The following ABCD4 variants were observed in gnomAD, a reference collection of about 807,000 sequenced individuals.
The protein encoded by ABCD4 is ATP binding cassette subfamily D member 4, also known as lysosomal cobalamin transporter ABCD4.
ABCD4 carries 53 observed loss-of-function variants against 86.3 expected under a neutral mutation model. The observed-to-expected ratio is 0.61, with a 90% CI of 0.49 to 0.77. The LOEUF (loss-of-function observed/expected upper bound fraction) is 0.77. Among genes scored for constraint, ABCD4 ranks in the 30% least tolerant of loss-of-function variants. The pLI is 0.00. For missense variants in ABCD4, 757 were observed against 764.5 expected (o/e 0.99, Z 0.12); for synonymous variants, 328 against 313.6 (o/e 1.05, Z -0.49).
intron 14 of ABCD4, 88 bp from the exon 15 acceptor site, chr14:74,288,853 C>T (rs1357209011): frequency 5.3e-6 from 8 of 1,503,684 alleles, no homozygotes; most frequent in East Asian, 4.8e-5. Context: ...GTGGCTCACG[C>T]CTGTAATCCC....
intron 10 of ABCD4, 40 bp downstream of exon 10, chr14:74,292,511 C>T: frequency 6.2e-7 from 1 of 1,607,342 alleles, no homozygotes; most frequent in Non-Finnish European, 8.5e-7. Context: ...CAGCAGCACA[C>T]ACTTTGCTCA....
At position 74,286,327 on chromosome 14, in the gene ABCD4, G is replaced by A; in HGVS notation, c.*134C>T. 8 of 918,266 alleles carry A rather than the reference G, an allele frequency of 8.7e-6. No homozygotes were observed. In the South Asian group the frequency reaches 1.0e-4, roughly 12 times the overall value. The allele number at this position is 918,266 out of a possible 1,614,324, so 56.9% of individuals were successfully genotyped here. On this transcript the variant is annotated 3_prime_UTR_variant, in exon 19 of 19. Transcript: ENST00000356924. The stretch of plus-strand genomic sequence containing the variant: ...TCAGCCCACCACTGCTAGGGGTCCT[G>A]CACAGGACCCATGTGGCTCCTGCAC...
rs775274648 is a variant in ABCD4 at position 74,302,892 on chromosome 14, C to G, written c.21G>C (p.Ala7=). The G allele has an allele frequency of 1.2e-5, 20 of 1,606,780 alleles. No homozygotes were observed. The highest frequency in any genetic ancestry group is 1.7e-5 in the Non-Finnish European group (20 of 1,176,922). Residue 7 remains alanine, a synonymous_variant, in exon 1 of 19, where the codon GCG becomes GCC. Coordinates refer to ENST00000356924, the MANE Select transcript of ABCD4 (RefSeq NM_005050.4). The part of the protein sequence containing the change: MAVAGP[A]PGAGARPRLD... ...CTGCTTACCTGGCGCCAGCTCCGGGCGCGGGCCCCGCGACCGCCATGACCT... is the reference window on the plus strand; with the variant it reads ...CTGCTTACCTGGCGCCAGCTCCGGGGGCGGGCCCCGCGACCGCCATGACCT...
intron 4 of ABCD4, chr14:74,296,734 C>G (rs1337324952): frequency 2.9e-6 from 1 of 349,542 alleles, no homozygotes; most frequent in East Asian, 5.5e-5. Context: ...CAGCTCTGAG[C>G]AGAGCCAAAG....
At chr14:74,288,158 C>T (rs370452269) in intron 16 of ABCD4, 49 bp downstream of exon 16, 1 of 1,596,184 alleles carries the variant, frequency 6.3e-7, no homozygotes, top group Non-Finnish European at 8.6e-7. Context: ...CTGAAACCCA[C>T]TGTCTTTATG....
intron 2 of ABCD4, 197 bp downstream of exon 2, chr14:74,299,953 C>T: frequency 1.7e-6 from 1 of 584,996 alleles, no homozygotes; most frequent in Non-Finnish European, 3.0e-6. Context: ...ATCCCAGCTA[C>T]TCAGGAGGCG....
Position 74,296,543 on chromosome 14 carries a change from T to C in ABCD4, c.426-94A>G, listed in dbSNP as rs2082923671. ...TTCACATCACCTCTGCTCTTGACCT[T>C]GCCTCACAGTGCTGTGAACACTGAC... On this transcript the variant is annotated intron_variant, in intron 4 of 18. Coordinates refer to ENST00000356924, the MANE Select transcript of ABCD4 (RefSeq NM_005050.4). 3.5e-6 allele frequency: 4 copies of C among 1,127,444 alleles called. No homozygotes were observed. The South Asian group carries it at 5.4e-5, about 15-fold the overall frequency. The allele number at this position is 1,127,444 out of a possible 1,614,324, so 69.8% of individuals were successfully genotyped here.
intron 2 of ABCD4, 184 bp from the exon 3 acceptor site, chr14:74,299,859 C>T (rs1413919770): frequency 2.2e-5 from 13 of 599,514 alleles, no homozygotes; most frequent in Admixed American, 3.0e-5. Flanking sequence ...GTCATGAGTT[C>T]GAGATCAGCC....
Position 74,288,253 on chromosome 14 carries a change from A to T in ABCD4, c.1513T>A (p.Leu505Met). The change falls in exon 16 of 19, where the codon TTG becomes ATG. Residue 505 changes from leucine (L) to methionine (M), a missense_variant. Coordinates refer to ENST00000356924, the MANE Select transcript of ABCD4 (RefSeq NM_005050.4). ...RFLELAGLSN[L>M]VARTEGLDQQ... ...TCCAGGCCCTCTGTCCTTGCCACCAAGTTGGACTGTAACAGACCCAGAGGG... is the reference window on the plus strand; with the variant it reads ...TCCAGGCCCTCTGTCCTTGCCACCATGTTGGACTGTAACAGACCCAGAGGG... 1 of 1,607,798 alleles carries T rather than the reference A, an allele frequency of 6.2e-7. No homozygotes were observed. Among genetic ancestry groups the T allele is most frequent in the Non-Finnish European group, 8.5e-7 (1 of 1,177,238 alleles).
intron 17 of ABCD4, 127 bp downstream of exon 17, chr14:74,287,683 C>T (rs2080186155): frequency 1.2e-6 from 1 of 866,162 alleles, no homozygotes; most frequent in African/African-American, 1.7e-5. Context: ...GCCTGCTGTC[C>T]TCTCCAGCAG....
intron 1 of ABCD4, among the ~76,000 whole-genome samples, chr14:74,302,108 C>T (rs1404646553): frequency 6.6e-6 from 1 of 152,072 alleles, no homozygotes; most frequent in Non-Finnish European, 1.5e-5. Context: ...GACCAGGACC[C>T]AACTCTGGGG....
At chr14:74,289,635 G>C (rs1275668453) in intron 13 of ABCD4, 116 bp from the exon 14 acceptor site, 8 of 1,509,648 alleles carry the variant, frequency 5.3e-6, no homozygotes, top group Non-Finnish European at 7.1e-6. Flanking sequence ...AGGTGGGAAC[G>C]CCTGGCCTGG....
chr14:74,292,825 C>A lies in ABCD4; in HGVS notation c.859G>T (p.Val287Phe), dbSNP rs764251926. ...CTGAAAATGGGGATTGCGATGACAACGTAACTCAGGATGCTGCCCAGATAG... is the reference window on the plus strand; with the variant it reads ...CTGAAAATGGGGATTGCGATGACAAAGTAACTCAGGATGCTGCCCAGATAG... The part of the protein sequence containing the change: ...FDYLGSILSY[V>F]VIAIPIFSGV... The change falls in exon 9 of 19, where the codon GTT becomes TTT. Residue 287 changes from valine (V) to phenylalanine (F), a missense_variant. Coordinates refer to ENST00000356924, the MANE Select transcript of ABCD4 (RefSeq NM_005050.4). 5.6e-6 allele frequency: 9 copies of A among 1,614,158 alleles called. No individual in the cohort carries two copies. In the East Asian group the frequency reaches 2.0e-4, roughly 36 times the overall value.
chr14:74,290,446 C>T lies in ABCD4; in HGVS notation c.1172G>A (p.Arg391Gln), dbSNP rs747987460. The T allele has an allele frequency of 8.1e-6, 13 of 1,614,034 alleles. 1 individual carries two copies. The highest frequency in any genetic ancestry group is 4.5e-5 in the East Asian group (2 of 44,874). The part of the protein sequence containing the change: ...EPADTAFLLE[R>Q]VSISAPSSDK... ...AGAGGAGGGGGCAGAGATGGAGACC[C>T]GCTCAAGGAGAAATGCTGTGTCTGC... is the stretch of plus-strand genomic sequence containing the variant. The change falls in exon 12 of 19, where the codon CGG becomes CAG. Residue 391 changes from arginine (R) to glutamine (Q), a missense_variant. Arg to Gln is a conservative substitution (Grantham distance 43, BLOSUM62 1). Transcript: ENST00000356924.
At chr14:74,291,609 T>G (rs911798744) in intron 11 of ABCD4, among the ~76,000 whole-genome samples, 1 of 152,198 alleles carries the variant, frequency 6.6e-6, no homozygotes, top group Non-Finnish European at 1.5e-5. Context: ...ATGCCCAGCC[T>G]CTGCACTCAT....
chr14:74,299,928 T>C (rs1302344564), intron 2 of ABCD4: 5 of 586,642 alleles, frequency 8.5e-6, no homozygotes, highest in Non-Finnish European at 1.5e-5. Flanking sequence ...TCGGGCGTGG[T>C]GGTGGGTGCT....
At chr14:74,302,759 C>CACGGGGGCGAG (rs2085023971) in intron 1 of ABCD4, 116 bp downstream of exon 1, 8 of 1,214,544 alleles carry the variant, frequency 6.6e-6, no homozygotes, top group Admixed American at 3.7e-5. Context: ...TCTCAGAAGT[C>CACGGGGGCGAG]ACGGGGGCGA....
rs779027514 is a variant in ABCD4 at position 74,292,675 on chromosome 14, C to T, written c.937-33G>A. The T allele has an allele frequency of 6.2e-6, 10 of 1,613,890 alleles. No homozygotes were observed. The South Asian group carries it at 7.7e-5, about 12-fold the overall frequency. ...GGATGGGAAGAGGTCAAGCAGGTCT[C>T]GACTCGAGCCCACAGACACTGGGCC... On this transcript the variant is annotated intron_variant, in intron 9 of 18. Transcript: ENST00000356924.
In ABCD4 at chr14:74,286,273, G is replaced by A. The variant is rs8618; in HGVS notation, c.*188C>T. On this transcript the variant is annotated 3_prime_UTR_variant, in exon 19 of 19. Transcript: ENST00000356924. ...GGGAGACTGAACACTGGGAGATTCA[G>A]TGTCCCCCACAGAAACCTAGACCTG... 0.024 allele frequency: 14,616 copies of A among 603,844 alleles called. 1,664 individuals carry two copies. In the African/African-American group the frequency reaches 0.24, roughly 10 times the overall value. The allele number at this position is 603,844 out of a possible 1,614,324, so 37.4% of individuals were successfully genotyped here. A position where few individuals can be genotyped will look rare whatever the true frequency, so the allele number is the denominator to read the frequency against.
Sources: allele counts gnomAD v4.1 joint callset (sites outside exome capture counted in the v4.1 genomes callset), GRCh38; gene constraint gnomAD v4.1.1; transcripts MANE v1.5; gene names NCBI Gene and HGNC (gene_info 2026-07-23, HGNC 2026-07-21).